The following ERG variants were observed in gnomAD, a reference collection of about 807,000 sequenced individuals.
The protein encoded by ERG is ETS transcription factor ERG, also known as transcriptional regulator ERG.
ERG carries 9 observed loss-of-function variants against 55.3 expected under a neutral mutation model. The observed-to-expected ratio is 0.16, with a 90% CI of 0.10 to 0.28. The LOEUF is 0.28. Ranked by LOEUF, ERG falls within the 10% of genes least tolerant of loss-of-function variation. The pLI, the probability that ERG is intolerant of heterozygous loss-of-function variation, is 1.00. For synonymous variants in ERG, 223 were observed against 237.3 expected, an observed-to-expected ratio of 0.94 and a Z score of 0.55; for missense variants, 434 against 631.6, an observed-to-expected ratio of 0.69 and a Z score of 3.35.
At chr21:38,482,469 A>C (rs1243867243) in intron 1 of ERG, among the ~76,000 whole-genome samples, 1 of 152,158 alleles carries the variant, frequency 6.6e-6, no homozygotes, top group East Asian at 1.9e-4. Flanking sequence ...TTCCTAAAGA[A>C]ATTAAAAATA....
In ERG at chr21:38,596,940, C is replaced by CA. The variant is rs2060134914; in HGVS notation, c.-149-11996dup. ...CACATCCACCTACATTTTCTGAAAA[C>CA]AAAAGGCAGTCTCCCCAAAAAGCAC... On this transcript the variant is annotated intron_variant, in intron 1 of 10. Coordinates refer to the ERG transcript ENST00000398910. 5.9e-5 allele frequency among the ~76,000 whole-genome samples: 9 copies of CA among 152,204 alleles called. 1 individual carries two copies. In the South Asian group the frequency reaches 1.7e-3, roughly 28 times the overall value.
chr21:38,581,947 G>A (rs1568929233), intron 1 of ERG, among the ~76,000 whole-genome samples: 1 of 151,628 alleles, frequency 6.6e-6, no homozygotes, highest in Non-Finnish European at 1.5e-5. Flanking sequence ...GGAGGCTGAG[G>A]CAGGAGAATG....
intron 1 of ERG, among the ~76,000 whole-genome samples, chr21:38,482,677 T>A (rs2059248621): frequency 6.7e-6 from 1 of 149,014 alleles, no homozygotes; most frequent in African/African-American, 2.5e-5. Flanking sequence ...CGGAATATCA[T>A]TTAGCCTTTT....
intron 2 of ERG, among the ~76,000 whole-genome samples, chr21:38,529,741 G>A (rs966660662): frequency 3.3e-5 from 5 of 152,078 alleles, no homozygotes; most frequent in Admixed American, 2.0e-4. Context: ...GAGGCAGGCC[G>A]ATCACCTGAG....
upstream of ERG, among the ~76,000 whole-genome samples, chr21:38,499,089 C>T (rs532090880): frequency 2.5e-4 from 38 of 152,236 alleles, no homozygotes; most frequent in East Asian, 1.3e-3. Flanking sequence ...TTGTTGAAAA[C>T]GCAAGGACTC....
chr21:38,417,824 A>G (rs1411232364), intron 3 of ERG, among the ~76,000 whole-genome samples: 1 of 152,122 alleles, frequency 6.6e-6, no homozygotes, highest in Non-Finnish European at 1.5e-5. Context: ...ATAATAAAAA[A>G]ACAGAAAAAG....
At chr21:38,505,739 C>T (rs1271479106) in intron 2 of ERG, among the ~76,000 whole-genome samples, 1 of 152,136 alleles carries the variant, frequency 6.6e-6, no homozygotes, top group Non-Finnish European at 1.5e-5. Context: ...AATAATCCTG[C>T]CTCAAGGATT....
intron 1 of ERG, among the ~76,000 whole-genome samples, chr21:38,496,342 G>C (rs748247829): frequency 2.6e-5 from 4 of 152,184 alleles, no homozygotes; most frequent in Non-Finnish European, 5.9e-5. Flanking sequence ...ATGGGGGGCT[G>C]TTTCCTAATT....
rs528221936 is a variant in ERG at position 38,423,434 on chromosome 21, C to G, written c.364G>C (p.Glu122Gln). Residue 122 changes from glutamate (E) to glutamine (Q), a missense_variant, in exon 3 of 10, where the codon GAG (glutamate) becomes CAG (glutamine). Around this residue, in one of 5 missense-constraint regions of ERG, gnomAD observed 212 missense variants for 262.9 expected, o/e 0.81. Transcript: ENST00000288319. ...CCTGCTGGCACGATAACTCTGCGCTCGTTCGTGGTCATGTTTGGGGGTGGC... is the reference window on the plus strand; with the variant it reads ...CCTGCTGGCACGATAACTCTGCGCTGGTTCGTGGTCATGTTTGGGGGTGGC... ...HMPPPNMTTNERRVIVPADPT... is the reference protein window; with the variant it reads ...HMPPPNMTTNQRRVIVPADPT... 1 of 1,613,892 alleles carries G rather than the reference C, an allele frequency of 6.2e-7. No homozygotes were observed. Among genetic ancestry groups the G allele is most frequent in the South Asian group, 1.1e-5 (1 of 91,052 alleles).
At chr21:38,452,938 C>G (rs190240763) in intron 1 of ERG, among the ~76,000 whole-genome samples, 1 of 152,342 alleles carries the variant, frequency 6.6e-6, no homozygotes, top group African/African-American at 2.4e-5. Flanking sequence ...TTCTTAACCT[C>G]AAATGCTTGT....
At chr21:38,445,242 A>G (rs1051653368) in intron 2 of ERG, among the ~76,000 whole-genome samples, 162 bp downstream of exon 2, 1 of 151,200 alleles carries the variant, frequency 6.6e-6, no homozygotes, top group African/African-American at 2.4e-5. Flanking sequence ...CCTGGATTCA[A>G]GTGATTCTCC....
chr21:38,487,873 G>A (rs991056604), intron 1 of ERG, among the ~76,000 whole-genome samples: 1 of 152,092 alleles, frequency 6.6e-6, no homozygotes, highest in East Asian at 1.9e-4. Flanking sequence ...ATATCTCTTT[G>A]GGCAATTTCA....
At chr21:38,535,786 C>G (rs2059705289) in intron 2 of ERG, among the ~76,000 whole-genome samples, 1 of 152,298 alleles carries the variant, frequency 6.6e-6, no homozygotes, top group African/African-American at 2.4e-5. Flanking sequence ...CACAAATTCA[C>G]TTGTGTTTAA....
chr21:38,548,200 C>A (rs936912883), intron 2 of ERG, among the ~76,000 whole-genome samples: 3 of 152,002 alleles, frequency 2.0e-5, no homozygotes, highest in Admixed American at 1.3e-4. Context: ...CCTCTTATGT[C>A]CCCTGAGCAA....
intron 1 of ERG, among the ~76,000 whole-genome samples, chr21:38,598,993 A>G (rs2060147792): frequency 6.6e-6 from 1 of 152,246 alleles, no homozygotes; most frequent in African/African-American, 2.4e-5. Context: ...TTTCACATCC[A>G]TGTGCAGATG....
chr21:38,486,869 C>T (rs912848370), intron 1 of ERG, among the ~76,000 whole-genome samples: 3 of 152,120 alleles, frequency 2.0e-5, no homozygotes, highest in African/African-American at 4.8e-5. Flanking sequence ...ATCTTTTGTA[C>T]ACTACAGCAC....
At chr21:38,530,135 C>G (rs576052903) in intron 2 of ERG, among the ~76,000 whole-genome samples, 2 of 152,192 alleles carry the variant, frequency 1.3e-5, no homozygotes, top group African/African-American at 4.8e-5. Context: ...ACTCAGCTCA[C>G]TGCAACCTCC....
intron 1 of ERG, among the ~76,000 whole-genome samples, chr21:38,605,904 T>C (rs921415471): frequency 5.0e-5 from 7 of 139,406 alleles, no homozygotes; most frequent in Non-Finnish European, 1.1e-4. Flanking sequence ...AGATAAATAA[T>C]AGATAGATAG....
At chr21:38,386,652 C>G (rs1158194843) in intron 9 of ERG, among the ~76,000 whole-genome samples, 35 of 152,040 alleles carry the variant, frequency 2.3e-4, no homozygotes, top group Non-Finnish European at 2.4e-4. Context: ...TTTAGGAAAG[C>G]CTAAAAGTGG....
Sources: allele counts gnomAD v4.1 joint callset (sites outside exome capture counted in the v4.1 genomes callset), GRCh38; gene constraint gnomAD v4.1.1; regional missense constraint gnomAD v4.1.1; transcripts MANE v1.5; gene names NCBI Gene and HGNC (gene_info 2026-07-23, HGNC 2026-07-21).